Variants in SCART1 observed in about 807,000 individuals in gnomAD.
SCART1 encodes the protein scavenger receptor cysteine-rich domain-containing protein SCART1.
Under a neutral mutation model 36.2 loss-of-function variants are expected in SCART1, and 62 were observed. The observed-to-expected ratio is 1.71, with a 90% CI of 1.40 to 2.12. SCART1 has a LOEUF of 2.12. SCART1 is among the 30% of genes most tolerant of loss of function. SCART1 has a pLI of 0.00. For missense variants in SCART1, 1,041 were observed against 540.5 expected (o/e 1.93, Z -9.18); for synonymous variants, 487 against 238.7 (o/e 2.04, Z -9.59).
exon 12 of SCART1, chr10:133,468,955 A>C (rs1031596968): frequency 2.6e-5 from 4 of 152,180 alleles, no homozygotes; most frequent in Non-Finnish European, 5.9e-5. Flanking sequence ...TTAGGAGTAT[A>C]TTCTCTTTTA....
exon 4 of SCART1, chr10:133,458,604 G>GGGGCGTGGGAGCCAGTGT (rs780181272): frequency 6.7e-5 from 47 of 696,596 alleles, no homozygotes; most frequent in South Asian, 6.4e-4. Flanking sequence ...ACTGCCCACG[G>GGGGCGTGGGAGCCAGTGT]GGGCGTGGGA....
chr10:133,459,391 A>T, intron 5 of SCART1, 65 bp downstream of exon 5: 3 of 614,666 alleles, frequency 4.9e-6, no homozygotes, highest in Admixed American at 5.4e-5. Flanking sequence ...GAGTGCAAGG[A>T]AGGACAGAGG....
Position 133,460,471 on chromosome 10 carries a change from C to T in SCART1, c.1969+301C>T, listed in dbSNP as rs1202236588. ...GCGCTTGAAGTTTCCATCCGAAATT[C>T]ATATATATATATATATATTTATATA... On this transcript the variant is annotated intron_variant, in intron 6 of 11. Transcript: ENST00000640237. Among the ~76,000 whole-genome samples, 8 of 136,498 alleles carry T rather than the reference C, an allele frequency of 5.9e-5. 1 individual carries two copies. The highest frequency in any genetic ancestry group is 2.3e-4 in the African/African-American group (8 of 35,470). 89.5% of individuals were successfully genotyped at this position (136,498 alleles called of 152,430 possible). A position where few individuals can be genotyped will look rare whatever the true frequency, so the allele number is the denominator to read the frequency against.
intron 3 of SCART1, 162 bp from the exon 4 acceptor site, chr10:133,458,198 G>C (rs569501498): frequency 4.3e-6 from 3 of 700,460 alleles, no homozygotes; most frequent in Non-Finnish European, 7.8e-6. Context: ...TGGGTGCCGG[G>C]TGGAAGGGCC....
At chr10:133,461,229 C>T (rs868658334) in intron 6 of SCART1, among the ~76,000 whole-genome samples, 5 of 151,160 alleles carry the variant, frequency 3.3e-5, no homozygotes, top group South Asian at 2.1e-4. Context: ...ACCTGACCTG[C>T]GGCCTCCTGA....
exon 6 of SCART1, chr10:133,460,040 C>T (rs753187424): frequency 9.0e-5 from 46 of 509,900 alleles, no homozygotes; most frequent in Non-Finnish European, 1.4e-4. Flanking sequence ...ACTTCGGAGC[C>T]GGGGCAGGGC....
At chr10:133,455,347 G>C (rs1564833025) in intron 1 of SCART1, among the ~76,000 whole-genome samples, 2 of 152,252 alleles carry the variant, frequency 1.3e-5, no homozygotes, top group Non-Finnish European at 2.9e-5. Flanking sequence ...GGAGGCTGGG[G>C]GGTGTGGAGG....
At chr10:133,466,705 A>G (rs1850769298) in intron 10 of SCART1, among the ~76,000 whole-genome samples, 1 of 152,232 alleles carries the variant, frequency 6.6e-6, no homozygotes, top group Non-Finnish European at 1.5e-5. Context: ...GACATGTAGG[A>G]CAATTGCTTA....
intron 6 of SCART1, among the ~76,000 whole-genome samples, chr10:133,463,129 T>G (rs1271056393): frequency 6.6e-6 from 1 of 152,154 alleles, no homozygotes; most frequent in Non-Finnish European, 1.5e-5. Context: ...TTTTGGACTT[T>G]ACACTGCTCC....
At chr10:133,457,994 A>C in intron 3 of SCART1, 1 of 527,212 alleles carries the variant, frequency 1.9e-6, no homozygotes, top group South Asian at 2.0e-5. Context: ...TGAGGTGGAT[A>C]GTCTGCCTGC....
chr10:133,458,347 C>T lies in SCART1; in HGVS notation c.683-13C>T, dbSNP rs554450549. 1.3e-4 allele frequency: 94 copies of T among 702,564 alleles called. No homozygotes were observed. The highest frequency in any genetic ancestry group is 1.1e-3 in the African/African-American group (64 of 57,338). The allele number at this position is 702,564 out of a possible 1,614,324, so 43.5% of individuals were successfully genotyped here. On this transcript the variant is annotated splice_polypyrimidine_tract_variant and intron_variant, in intron 3 of 11. Coordinates refer to ENST00000640237, the Ensembl canonical transcript of SCART1. ...AACACCTGTCTCCTGCCTGAGAGGACGTCTGCCCCCAGGACACACCGAGGC... is the reference window on the plus strand; with the variant it reads ...AACACCTGTCTCCTGCCTGAGAGGATGTCTGCCCCCAGGACACACCGAGGC...
At chr10:133,460,488 ATT>A (rs1554896739) in intron 6 of SCART1, among the ~76,000 whole-genome samples, 5 of 142,084 alleles carry the variant, frequency 3.5e-5, no homozygotes, top group Non-Finnish European at 6.1e-5. Context: ...ATATATATAT[ATT>A]TATATATTTT....
At chr10:133,457,896 A>G (rs1303824435) in intron 3 of SCART1, 7 of 515,086 alleles carry the variant, frequency 1.4e-5, no homozygotes, top group African/African-American at 1.4e-4. Flanking sequence ...GGTAGAGGTC[A>G]CTTCTTCCCA....
chr10:133,459,443 C>A (rs2257044), intron 5 of SCART1, 44 bp from the exon 6 acceptor site: 396,471 of 616,350 alleles, frequency 0.64, 132,385 homozygotes, highest in Non-Finnish European at 0.72. Context: ...GGTCCTGGGT[C>A]CCTCCCGCTG....
At chr10:133,462,861 G>A (rs1026158745) in intron 6 of SCART1, among the ~76,000 whole-genome samples, 2 of 152,198 alleles carry the variant, frequency 1.3e-5, no homozygotes, top group Non-Finnish European at 2.9e-5. Flanking sequence ...CGCGATTCAA[G>A]GACTGGGGCC....
intron 6 of SCART1, 124 bp from the exon 7 acceptor site, chr10:133,464,482 A>C: frequency 1.7e-6 from 1 of 584,128 alleles, no homozygotes; most frequent in Non-Finnish European, 3.0e-6. Flanking sequence ...TTTCTGAAGA[A>C]GCTCTATACT....
chr10:133,469,184 A>C (rs1436595573), downstream of SCART1: 3 of 152,146 alleles, frequency 2.0e-5, no homozygotes, highest in African/African-American at 7.2e-5. Flanking sequence ...TCTTCTTTTG[A>C]GAAGTGTCTG....
Position 133,459,619 on chromosome 10 carries a change from G to GGCAACTC in SCART1, c.1420_1426dup (p.Gly476AlafsTer12). 1.5e-6 allele frequency: 1 copy of GGCAACTC among 674,224 alleles called. No individual in the cohort carries two copies. The highest frequency in any genetic ancestry group is 2.7e-6 in the Non-Finnish European group (1 of 369,134). 41.8% of individuals were successfully genotyped at this position (674,224 alleles called of 1,614,324 possible). On this transcript the variant is annotated frameshift_variant, in exon 6 of 12. Transcript: ENST00000640237. LOFTEE classifies it high-confidence loss of function. Reference sequence around the variant, plus strand: ...CTGCGCGGCGCGGGCGTGGTGTGCCGGCAACTCGGGTGCAGAGGGGCCCAG... The same window carrying GGCAACTC: ...CTGCGCGGCGCGGGCGTGGTGTGCCGGCAACTCGCAACTCGGGTGCAGAGGGGCCCAG...
chr10:133,456,151 A>G (rs1439898085), intron 1 of SCART1, 86 bp from the exon 2 acceptor site: 6 of 646,574 alleles, frequency 9.3e-6, no homozygotes, highest in African/African-American at 7.1e-5. Context: ...GAGGCCTCAC[A>G]GGCCGTTCCC....
Sources: gnomAD v4.1 joint callset for allele counts (sites outside exome capture counted in the v4.1 genomes callset) on GRCh38, gnomAD v4.1.1 for gene constraint, MANE v1.5 for transcripts, NCBI Gene and HGNC (gene_info 2026-07-23, HGNC 2026-07-21) for gene names.